The following TMEM87A variants were observed in gnomAD, a reference collection of about 807,000 sequenced individuals.
TMEM87A encodes the protein transmembrane protein 87A.
TMEM87A carries 50 observed loss-of-function variants against 90.0 expected under a neutral mutation model. The observed-to-expected ratio is 0.56, with a 90% CI of 0.44 to 0.70. The LOEUF (loss-of-function observed/expected upper bound fraction) is 0.70, where lower values mean the gene tolerates loss of function less well. TMEM87A is among the 30% of genes least tolerant of loss of function. The probability of loss-of-function intolerance (pLI) is 0.00; values close to 1 mark genes in which losing one functional copy is unlikely to be tolerated. For missense variants in TMEM87A, 577 were observed against 660.5 expected (o/e 0.87, Z 1.39); for synonymous variants, 226 against 226.7 (o/e 1.00, Z 0.03).
At chr15:42,267,429 T>C (rs1260027278) in intron 3 of TMEM87A, among the ~76,000 whole-genome samples, 2 of 152,216 alleles carry the variant, frequency 1.3e-5, no homozygotes, top group African/African-American at 2.4e-5. Context: ...GCCATTAAAA[T>C]ACCATTCCTT....
At chr15:42,260,432 T>G (rs186800929) in intron 6 of TMEM87A, among the ~76,000 whole-genome samples, 60 of 152,314 alleles carry the variant, frequency 3.9e-4, no homozygotes, top group African/African-American at 1.4e-3. Flanking sequence ...AAAGTTGTTA[T>G]AAAATTAAAA....
intron 6 of TMEM87A, among the ~76,000 whole-genome samples, chr15:42,260,405 GTATAT>G (rs1229997280): frequency 6.6e-6 from 1 of 152,072 alleles, no homozygotes; most frequent in Non-Finnish European, 1.5e-5. Context: ...TCTGTAATAT[GTATAT>G]TATACCTTCA....
At chr15:42,219,760 GTTTTA>G in intron 16 of TMEM87A, 118 bp from the exon 17 acceptor site, 1 of 709,012 alleles carries the variant, frequency 1.4e-6, no homozygotes, top group East Asian at 2.9e-5. Context: ...ACTTATCATA[GTTTTA>G]TTTTAAGCTT....
intron 15 of TMEM87A, among the ~76,000 whole-genome samples, chr15:42,220,634 T>TAA (rs10674787): frequency 0.94 from 142,684 of 152,170 alleles, 67,357 homozygotes; most frequent in Non-Finnish European, 1. Context: ...CCAGGTAATT[T>TAA]AATTTCAGTT....
chr15:42,238,564 C>T (rs1248238518), intron 8 of TMEM87A, among the ~76,000 whole-genome samples: 2 of 151,318 alleles, frequency 1.3e-5, no homozygotes, highest in African/African-American at 2.4e-5. Context: ...AGTGAGACTA[C>T]GTTTCAAGAT....
At chr15:42,220,706 A>G (rs1251338896) in intron 15 of TMEM87A, among the ~76,000 whole-genome samples, 1 of 152,246 alleles carries the variant, frequency 6.6e-6, no homozygotes, top group Non-Finnish European at 1.5e-5. Flanking sequence ...CCTTTCCTTA[A>G]CAACTTCCAA....
chr15:42,259,128 G>T, intron 6 of TMEM87A: 1 of 627,844 alleles, frequency 1.6e-6, no homozygotes, highest in Non-Finnish European at 2.9e-6. Context: ...AGGCAAAGGG[G>T]GTAGGGGAAG....
intron 12 of TMEM87A, among the ~76,000 whole-genome samples, chr15:42,229,741 C>T (rs574443621): frequency 6.6e-6 from 1 of 152,250 alleles, no homozygotes; most frequent in East Asian, 1.9e-4. Context: ...TCTCCATTTT[C>T]AGAACATTAT....
chr15:42,231,980 A>G, intron 11 of TMEM87A: 1 of 891,178 alleles, frequency 1.1e-6, no homozygotes, highest in Non-Finnish European at 1.5e-6. Context: ...GAAGTCTAAG[A>G]GAATTACATA....
chr15:42,255,804 C>T (rs571407228), intron 6 of TMEM87A, among the ~76,000 whole-genome samples: 1 of 150,628 alleles, frequency 6.6e-6, no homozygotes, highest in African/African-American at 2.4e-5. Context: ...GAGTCTTGCT[C>T]TGTTGCCCAG....
At chr15:42,227,863 C>T (rs1344857711) in intron 13 of TMEM87A, 94 bp from the exon 14 acceptor site, 1 of 1,030,258 alleles carries the variant, frequency 9.7e-7, no homozygotes, top group Non-Finnish European at 1.5e-6. Flanking sequence ...ATCCCACACA[C>T]CCCGAACCCC....
At chr15:42,258,725 T>C in intron 6 of TMEM87A, 3 of 1,378,612 alleles carry the variant, frequency 2.2e-6, no homozygotes, top group Non-Finnish European at 2.8e-6. Context: ...CTGTACCCAG[T>C]CCTAATGGCT....
chr15:42,210,450 A>G lies in TMEM87A; in HGVS notation c.*1258T>C, dbSNP rs2050263514. ...CAGAAAATAAGACAATCTAGAATAAAAGCCATAGAAAGAAATTTTTCATGA... is the reference window on the plus strand; with the variant it reads ...CAGAAAATAAGACAATCTAGAATAAGAGCCATAGAAAGAAATTTTTCATGA... On this transcript the variant is annotated 3_prime_UTR_variant, in exon 20 of 20. Transcript: ENST00000389834. The G allele has an allele frequency of 6.6e-6, 1 of 152,222 alleles. No individual in the cohort carries two copies. Among genetic ancestry groups the G allele is most frequent in the Non-Finnish European group, 1.5e-5 (1 of 68,036 alleles). 9.4% of individuals were successfully genotyped at this position (152,222 alleles called of 1,614,324 possible).
chr15:42,255,936 AT>A (rs10632070), intron 6 of TMEM87A, among the ~76,000 whole-genome samples: 4 of 140,548 alleles, frequency 2.8e-5, no homozygotes, highest in Admixed American at 7.1e-5. Context: ...CACCCAGCTA[AT>A]TTTTTTTTTT....
chr15:42,217,750 C>T, intron 19 of TMEM87A, 53 bp downstream of exon 19: 2 of 1,568,302 alleles, frequency 1.3e-6, no homozygotes, highest in Middle Eastern at 1.7e-4. Flanking sequence ...CGATTCATGA[C>T]TTTCTATTTA....
At chr15:42,221,265 CAGAGACAGAG>C (rs1328501682) in intron 15 of TMEM87A, among the ~76,000 whole-genome samples, 6 of 146,462 alleles carry the variant, frequency 4.1e-5, no homozygotes, top group African/African-American at 1.6e-4. Context: ...AAAGGAGAGA[CAGAGACAGAG>C]AGAGAGAGAG....
intron 6 of TMEM87A, among the ~76,000 whole-genome samples, chr15:42,254,430 T>C (rs969449806): frequency 6.6e-6 from 1 of 152,270 alleles, no homozygotes; most frequent in Non-Finnish European, 1.5e-5. Flanking sequence ...GTTTTATCTA[T>C]AATTGTTATA....
chr15:42,246,248 T>C (rs2050969264), intron 6 of TMEM87A, among the ~76,000 whole-genome samples: 1 of 152,218 alleles, frequency 6.6e-6, no homozygotes, highest in East Asian at 1.9e-4. Flanking sequence ...AATTGGCAAA[T>C]ATTTTATTGA....
intron 6 of TMEM87A, among the ~76,000 whole-genome samples, chr15:42,256,263 C>T (rs1220747283): frequency 6.6e-6 from 1 of 152,084 alleles, no homozygotes; most frequent in East Asian, 1.9e-4. Context: ...GCCTCATGCA[C>T]CCAAGTAGCT....
Sources: gnomAD v4.1 joint callset for allele counts (sites outside exome capture counted in the v4.1 genomes callset) on GRCh38, gnomAD v4.1.1 for gene constraint, MANE v1.5 for transcripts, NCBI Gene and HGNC (gene_info 2026-07-23, HGNC 2026-07-21) for gene names.